Variants in SLC44A3 observed in about 807,000 individuals in gnomAD.
SLC44A3 encodes solute carrier family 44 member 3, also known as choline transporter-like protein 3.
Under a neutral mutation model 75.4 loss-of-function variants are expected in SLC44A3, and 74 were observed. The observed-to-expected ratio is 0.98, with a 90% CI of 0.81 to 1.19. The LOEUF (loss-of-function observed/expected upper bound fraction) is 1.19, where lower values mean the gene tolerates loss of function less well. SLC44A3 is among the 50% of genes most tolerant of loss of function. SLC44A3 has a pLI of 0.00. For synonymous variants in SLC44A3, 310 were observed against 296.9 expected (o/e 1.04, Z -0.45); for missense variants, 700 against 778.6 (o/e 0.90, Z 1.20).
chr1:94,859,080 C>T (rs921395453), intron 10 of SLC44A3, among the ~76,000 whole-genome samples: 8 of 152,156 alleles, frequency 5.3e-5, no homozygotes, highest in Non-Finnish European at 1.2e-4. Flanking sequence ...TTGCCCTTGG[C>T]ATTGAGAACC....
At chr1:94,884,193 T>C (rs1669310318) in intron 12 of SLC44A3, among the ~76,000 whole-genome samples, 3 of 152,234 alleles carry the variant, frequency 2.0e-5, no homozygotes, top group Admixed American at 2.0e-4. Flanking sequence ...CCCACCTGGC[T>C]GCAGCCCCAG....
intron 12 of SLC44A3, among the ~76,000 whole-genome samples, chr1:94,868,006 G>A (rs992019587): frequency 3.3e-4 from 50 of 152,124 alleles, no homozygotes; most frequent in Admixed American, 7.2e-4. Flanking sequence ...GAAAAGAATT[G>A]CCTCCCTAAT....
chr1:94,848,510 T>A (rs978442825), intron 9 of SLC44A3, among the ~76,000 whole-genome samples: 1 of 152,180 alleles, frequency 6.6e-6, no homozygotes, highest in African/African-American at 2.4e-5. Context: ...TCTTCCCACC[T>A]CCTTAGGTGC....
intron 9 of SLC44A3, among the ~76,000 whole-genome samples, chr1:94,847,968 C>A (rs186665706): frequency 6.6e-6 from 1 of 152,078 alleles, no homozygotes; most frequent in Admixed American, 6.5e-5. Flanking sequence ...GTGGCTCACG[C>A]CTGTAATCCC....
At chr1:94,821,250 A>G (rs1032655506) in intron 2 of SLC44A3, among the ~76,000 whole-genome samples, 194 bp downstream of exon 2, 31 of 152,270 alleles carry the variant, frequency 2.0e-4, no homozygotes, top group Admixed American at 1.4e-3. Context: ...GCTACAGGCC[A>G]TGTTCTAAGG....
At chr1:94,894,780 C>T in intron 14 of SLC44A3, 38 bp from the exon 15 acceptor site, 1 of 1,545,100 alleles carries the variant, frequency 6.5e-7, no homozygotes, top group Non-Finnish European at 8.9e-7. Context: ...ACAGTACAGA[C>T]ACATAATACT....
intron 9 of SLC44A3, among the ~76,000 whole-genome samples, chr1:94,851,467 A>G (rs1007409629): frequency 6.6e-6 from 1 of 152,188 alleles, no homozygotes; most frequent in Non-Finnish European, 1.5e-5. Flanking sequence ...ATAAAGCAAG[A>G]TGTATTGTCA....
intron 7 of SLC44A3, among the ~76,000 whole-genome samples, chr1:94,840,442 A>G (rs780536100): frequency 6.6e-6 from 1 of 151,592 alleles, no homozygotes; most frequent in Non-Finnish European, 1.5e-5. Context: ...GGCACATGCC[A>G]CTACACCCAG....
intron 5 of SLC44A3, among the ~76,000 whole-genome samples, chr1:94,834,925 A>C (rs1412062768): frequency 6.6e-6 from 1 of 152,230 alleles, no homozygotes; most frequent in Non-Finnish European, 1.5e-5. Context: ...CCCGGCAGGT[A>C]CCACCTTAAC....
At chr1:94,877,608 T>C (rs1668430551) in intron 12 of SLC44A3, among the ~76,000 whole-genome samples, 1 of 152,076 alleles carries the variant, frequency 6.6e-6, no homozygotes. Flanking sequence ...GAGAAACAAG[T>C]TTGTGAAAAG....
Position 94,827,489 on chromosome 1 carries a change from G to T in SLC44A3, c.279-18G>T. 6.2e-7 allele frequency: 1 copy of T among 1,614,128 alleles called. No individual in the cohort carries two copies. The highest frequency in any genetic ancestry group is 8.5e-7 in the Non-Finnish European group (1 of 1,179,980). On this transcript the variant is annotated intron_variant, in intron 3 of 14. Transcript: ENST00000271227. ...AAGCAATGCTCTAACACATTCTTCT[G>T]TTTCATCTATTTCCTAGACACGTGT...
intron 9 of SLC44A3, among the ~76,000 whole-genome samples, chr1:94,854,889 A>C (rs1002425877): frequency 2.0e-5 from 3 of 151,810 alleles, no homozygotes; most frequent in Non-Finnish European, 2.9e-5. Flanking sequence ...CCCCAGCCCC[A>C]GCCCCAGCCC....
intron 12 of SLC44A3, among the ~76,000 whole-genome samples, chr1:94,875,985 A>G (rs138548111): frequency 3.3e-5 from 5 of 152,336 alleles, no homozygotes; most frequent in African/African-American, 9.6e-5. Flanking sequence ...GAAGCAGGTG[A>G]CATGTGAAAA....
At chr1:94,870,417 T>C (rs192104083) in intron 12 of SLC44A3, among the ~76,000 whole-genome samples, 37 of 152,276 alleles carry the variant, frequency 2.4e-4, no homozygotes, top group African/African-American at 8.7e-4. Flanking sequence ...TATATGACAG[T>C]ACAGAAAAGT....
chr1:94,878,017 G>A (rs1408397807), intron 12 of SLC44A3, among the ~76,000 whole-genome samples: 4 of 152,058 alleles, frequency 2.6e-5, no homozygotes, highest in East Asian at 3.9e-4. Flanking sequence ...GGTGGATCAC[G>A]AGGTCAGGAG....
rs1301497428 is a variant in SLC44A3, at chr1:94,894,908, G to A, written c.1948G>A (p.Ala650Thr). ...GAATGAGGAGGGAACAGAACTCCAG[G>A]CCATTGTGAGATAGATACCCATTTA... ...LRNEEGTELQ[A>T]IVR The change falls in exon 15 of 15, where the codon GCC (alanine) becomes ACC (threonine). Residue 650 changes from alanine to threonine, a missense_variant. By Grantham distance (58) the Ala-to-Thr change is moderately conservative. Coordinates refer to ENST00000271227, the MANE Select transcript of SLC44A3 (RefSeq NM_001114106.3). The A allele has an allele frequency of 6.2e-7, 1 of 1,610,432 alleles. No homozygotes were observed. The highest frequency in any genetic ancestry group is 1.7e-5 in the Admixed American group (1 of 59,968).
chr1:94,849,398 C>A (rs200559408), intron 9 of SLC44A3, among the ~76,000 whole-genome samples: 2 of 152,264 alleles, frequency 1.3e-5, no homozygotes, highest in East Asian at 3.9e-4. Context: ...CCAAATCACC[C>A]GTCCCCTCCT....
At chr1:94,881,602 G>A (rs1344686308) in intron 12 of SLC44A3, among the ~76,000 whole-genome samples, 1 of 151,374 alleles carries the variant, frequency 6.6e-6, no homozygotes, top group Non-Finnish European at 1.5e-5. Context: ...TACTCGGGAG[G>A]CTGAGGCAGG....
intron 8 of SLC44A3, among the ~76,000 whole-genome samples, chr1:94,844,857 G>A (rs1280653875): frequency 6.6e-6 from 1 of 152,158 alleles, no homozygotes; most frequent in African/African-American, 2.4e-5. Context: ...ATGCAGGGAG[G>A]GAAAGCTAGA....
Sources: gnomAD v4.1 joint callset for allele counts (sites outside exome capture counted in the v4.1 genomes callset) on GRCh38, gnomAD v4.1.1 for gene constraint, MANE v1.5 for transcripts, NCBI Gene and HGNC (gene_info 2026-07-23, HGNC 2026-07-21) for gene names.